Variants in ABR observed in about 807,000 individuals in gnomAD.
The protein encoded by ABR is ABR activator of RhoGEF and GTPase.
A neutral mutation model predicts 107.2 loss-of-function variants in ABR; 35 were observed. The observed-to-expected ratio is 0.33, with a 90% CI of 0.25 to 0.43. The LOEUF (loss-of-function observed/expected upper bound fraction) is 0.43, where lower values mean the gene tolerates loss of function less well. Among genes scored for constraint, ABR ranks in the 20% least tolerant of loss-of-function variants. The pLI is 1.00. For missense variants in ABR, 815 were observed against 1,115.2 expected, an observed-to-expected ratio of 0.73 and a Z score of 3.83; for synonymous variants, 498 against 462.0, an observed-to-expected ratio of 1.08 and a Z score of -1.00.
rs1598069696 is a variant in ABR, at chr17:1,179,947, G to C, written c.-220C>G. ...GAACCCTCCCGGCCCCAGCGGCCGC[G>C]CCGAGCCCAGCTGCGGATCCCGGAA... On this transcript the variant is annotated 5_prime_UTR_variant, in exon 1 of 23. Coordinates refer to ENST00000302538, the MANE Select transcript of ABR (RefSeq NM_021962.5). The surrounding 1 kb of genome is among the most constrained non-coding windows in gnomAD (Gnocchi z 4.9). The C allele has an allele frequency of 1.3e-5, 4 of 301,024 alleles. No homozygotes were observed. Among genetic ancestry groups the C allele is most frequent in the Non-Finnish European group, 2.4e-5 (4 of 169,866 alleles). 18.6% of individuals were successfully genotyped at this position (301,024 alleles called of 1,614,324 possible).
rs1199326032 is a variant in ABR, at chr17:1,051,137, C to T, written c.1562-503G>A. On this transcript the variant is annotated intron_variant, in intron 14 of 22. Transcript: ENST00000302538. This position sits in a 1 kb window ranked among gnomAD's most constrained non-coding sequence, Gnocchi z 4.3. ...GCCCTGCCTCTGGGTCCTGAATGCT[C>T]GGAGCATCCCCTGCCGCGGTGACGA... 6.6e-6 allele frequency among the ~76,000 whole-genome samples: 1 copy of T among 152,106 alleles called. No individual in the cohort carries two copies. The highest frequency in any genetic ancestry group is 1.5e-5 in the Non-Finnish European group (1 of 68,006).
chr17:1,089,470 G>A (rs1262738633), intron 4 of ABR, among the ~76,000 whole-genome samples: 2 of 152,216 alleles, frequency 1.3e-5, no homozygotes, highest in Admixed American at 6.5e-5. Flanking sequence ...ATCTGGCAGC[G>A]CTGGGATTCA....
In ABR at chr17:1,073,655, G is replaced by A. The variant is rs775462470; in HGVS notation, c.723C>T (p.Asp241=). 17 of 1,605,840 alleles carry A rather than the reference G, an allele frequency of 1.1e-5. No homozygotes were observed. Among genetic ancestry groups the A allele is most frequent in the South Asian group, 6.7e-5 (6 of 89,710 alleles). ...TMEALLYKPI[D]RVTRSTLVLH... ...GGACTAGGGTGCTCCGAGTGACCCG[G>A]TCAATGGGCTTGTAGAGCAGAGCTG... is the stretch of plus-strand genomic sequence containing the variant. Residue 241 remains aspartate (D), a synonymous_variant, in exon 7 of 23, where the codon GAC becomes GAT. Coordinates refer to ENST00000302538, the MANE Select transcript of ABR (RefSeq NM_021962.5).
At chr17:1,075,356 G>C (rs1362014747) in intron 6 of ABR, among the ~76,000 whole-genome samples, 1 of 152,248 alleles carries the variant, frequency 6.6e-6, no homozygotes, top group Non-Finnish European at 1.5e-5. Context: ...TGTCCCATAA[G>C]ACCAGGTTGT....
At chr17:1,146,008 G>C (rs1368364819) in intron 1 of ABR, among the ~76,000 whole-genome samples, 3 of 152,130 alleles carry the variant, frequency 2.0e-5, no homozygotes, top group African/African-American at 7.2e-5. Context: ...GGCTGTCACA[G>C]AGTGCCTCAA....
intron 1 of ABR, among the ~76,000 whole-genome samples, chr17:1,222,057 A>G (rs79562833): frequency 0.13 from 15,919 of 125,940 alleles, 2,357 homozygotes; most frequent in African/African-American, 0.37. Context: ...CGATAACAGC[A>G]CCATGGAGGA....
At chr17:1,082,598 T>C (rs2036318971) in intron 5 of ABR, among the ~76,000 whole-genome samples, 1 of 152,194 alleles carries the variant, frequency 6.6e-6, no homozygotes, top group South Asian at 2.1e-4. Flanking sequence ...TCCACATAAG[T>C]GGCTCTTACC....
chr17:1,114,645 C>T (rs915724480), intron 2 of ABR, among the ~76,000 whole-genome samples: 18 of 151,754 alleles, frequency 1.2e-4, no homozygotes, highest in African/African-American at 2.9e-4. Context: ...TGGTGGTGGA[C>T]GCCTGTAGTC....
In ABR at chr17:1,051,822, C is replaced by G. The variant is rs575433825; in HGVS notation, c.1562-1188G>C. 6.6e-6 allele frequency among the ~76,000 whole-genome samples: 1 copy of G among 152,308 alleles called. No individual in the cohort carries two copies. The highest frequency in any genetic ancestry group is 1.9e-4 in the East Asian group (1 of 5,176). On this transcript the variant is annotated intron_variant, in intron 14 of 22. Transcript: ENST00000302538. The surrounding 1 kb of genome is among the most constrained non-coding windows in gnomAD (Gnocchi z 4.3). ...GCAAGGTGGCTCACGCCTGTAAATC[C>G]CAGCACTTTGGGAGGCCAAGGTGGG...
At chr17:1,218,342 C>G (rs80202341) in intron 1 of ABR, among the ~76,000 whole-genome samples, 1 of 152,200 alleles carries the variant, frequency 6.6e-6, no homozygotes, top group Non-Finnish European at 1.5e-5. Context: ...TTACTTGGTA[C>G]GTAGTCCCAG....
At chr17:1,109,590 T>C (rs1175079625) in intron 2 of ABR, among the ~76,000 whole-genome samples, 1 of 151,420 alleles carries the variant, frequency 6.6e-6, no homozygotes, top group African/African-American at 2.4e-5. Flanking sequence ...CGCATCTTCA[T>C]TCCCCGCGCG....
intron 6 of ABR, among the ~76,000 whole-genome samples, chr17:1,076,003 T>C (rs113378621): frequency 7.2e-5 from 11 of 152,260 alleles, no homozygotes; most frequent in East Asian, 1.9e-4. Context: ...GATTGCGCCA[T>C]TGCACTCCAG....
chr17:1,181,502 C>G (rs539933700), upstream of ABR, among the ~76,000 whole-genome samples: 1 of 152,168 alleles, frequency 6.6e-6, no homozygotes, highest in African/African-American at 2.4e-5. Flanking sequence ...TGTCTCTTGC[C>G]GCCCCTCCCT....
At chr17:1,214,389 T>G (rs900534283) in intron 1 of ABR, among the ~76,000 whole-genome samples, 1 of 152,172 alleles carries the variant, frequency 6.6e-6, no homozygotes, top group Admixed American at 6.5e-5. Context: ...CAGGGATGAC[T>G]TAGGCAAAAT....
intron 4 of ABR, among the ~76,000 whole-genome samples, chr17:1,086,886 A>T (rs1243252528): frequency 6.6e-6 from 1 of 151,786 alleles, no homozygotes; most frequent in Non-Finnish European, 1.5e-5. Context: ...AGGTGGGAGG[A>T]TCACTTGAGC....
At chr17:1,031,764 G>A in intron 16 of ABR, 1 of 1,233,958 alleles carries the variant, frequency 8.1e-7, no homozygotes, top group Non-Finnish European at 1.0e-6. Flanking sequence ...GGGACGCGGC[G>A]CTGGAGAGAA....
chr17:1,171,113 T>C (rs2041695082), intron 1 of ABR, among the ~76,000 whole-genome samples: 1 of 152,232 alleles, frequency 6.6e-6, no homozygotes. Flanking sequence ...ACGTATGGGC[T>C]GTTTAGGCCC....
chr17:1,031,985 G>A lies in ABR; in HGVS notation c.1791+18065C>T, dbSNP rs955463100. Reference sequence around the variant, plus strand: ...AGCCCAGGCTGAGCGCCGCCTCCCAGGCCCAGGGCCGCCCCTCCAAGCCCC... The same window carrying A: ...AGCCCAGGCTGAGCGCCGCCTCCCAAGCCCAGGGCCGCCCCTCCAAGCCCC... On this transcript the variant is annotated intron_variant, in intron 16 of 22. Transcript: ENST00000302538. 4.7e-5 allele frequency: 32 copies of A among 686,542 alleles called. No individual in the cohort carries two copies. In the African/African-American group the frequency reaches 5.7e-4, roughly 12 times the overall value. The allele number at this position is 686,542 out of a possible 1,614,324, so 42.5% of individuals were successfully genotyped here. A position where few individuals can be genotyped will look rare whatever the true frequency, so the allele number is the denominator to read the frequency against.
chr17:1,003,535 G>A lies in ABR; in HGVS notation c.*2545C>T, dbSNP rs1216738465. On this transcript the variant is annotated 3_prime_UTR_variant, in exon 23 of 23. Transcript: ENST00000302538. ...CCACAGGGCTGAGTTTTGTGCAAAT[G>A]ATGGGGCTTTGCATTTTTTATTAAC... 1 of 152,634 alleles carries A rather than the reference G, an allele frequency of 6.6e-6. No homozygotes were observed. The allele number at this position is 152,634 out of a possible 1,614,324, so 9.5% of individuals were successfully genotyped here. A position where few individuals can be genotyped will look rare whatever the true frequency, so the allele number is the denominator to read the frequency against.
Sources: gnomAD v4.1 joint callset for allele counts (sites outside exome capture counted in the v4.1 genomes callset) on GRCh38, gnomAD v4.1.1 for gene constraint, Gnocchi (gnomAD v3.1) non-coding constraint, MANE v1.5 for transcripts, NCBI Gene and HGNC (gene_info 2026-07-23, HGNC 2026-07-21) for gene names.